RPTOR: variants seen among roughly 807,000 people sequenced by gnomAD.
The protein encoded by RPTOR is regulatory-associated protein of mTOR.
A neutral mutation model predicts 169.9 loss-of-function variants in RPTOR; 21 were observed. The ratio of observed to expected loss-of-function variants is 0.12; its 90% CI spans 0.09 to 0.18. The LOEUF (loss-of-function observed/expected upper bound fraction) is 0.18, where lower values mean the gene tolerates loss of function less well. Among genes scored for constraint, RPTOR ranks in the 10% least tolerant of loss-of-function variants. The probability of loss-of-function intolerance (pLI) is 1.00; values close to 1 mark genes in which losing one functional copy is unlikely to be tolerated. For missense variants in RPTOR, 1,133 were observed against 1,855.9 expected (o/e 0.61, Z 7.16); for synonymous variants, 732 against 753.2 (o/e 0.97, Z 0.46).
At chr17:80,885,750 C>A (rs1347804560) in intron 17 of RPTOR, among the ~76,000 whole-genome samples, 1 of 152,140 alleles carries the variant, frequency 6.6e-6, no homozygotes, top group Non-Finnish European at 1.5e-5. Flanking sequence ...ACTGTGTTAG[C>A]CAGGATGGTC....
intron 7 of RPTOR, among the ~76,000 whole-genome samples, chr17:80,794,766 G>A (rs1195434500): frequency 3.9e-5 from 6 of 152,206 alleles, no homozygotes; most frequent in African/African-American, 9.7e-5. Context: ...CCATTTGGGC[G>A]GTTCCCAGAA....
At chr17:80,873,790 G>T (rs112409677) in intron 13 of RPTOR, among the ~76,000 whole-genome samples, 2,307 of 152,342 alleles carry the variant, frequency 0.015, 67 homozygotes, top group African/African-American at 0.052. Flanking sequence ...ACCAGAATGT[G>T]AAGAATCTCA....
Position 80,893,865 on chromosome 17 carries a change from G to A in RPTOR, c.2401G>A (p.Gly801Arg), listed in dbSNP as rs1174616052. Reference protein sequence around the residue: ...SSYSSLNSLIGVSFNSVYTQI... With the variant: ...SSYSSLNSLIRVSFNSVYTQI... ...CTACTCCTCCCTCAACTCCCTCATC[G>A]GTGAGTCCGCCTGCCCCTTTCTGCT... Residue 801 changes from glycine to arginine, a missense_variant and splice_region_variant, in exon 20 of 34, where the codon GGA becomes AGA. Around this residue, in one of 9 missense-constraint regions of RPTOR, gnomAD observed 150 missense variants for 206.4 expected, o/e 0.73. Coordinates refer to ENST00000306801, the MANE Select transcript of RPTOR (RefSeq NM_020761.3). 1 of 1,519,596 alleles carries A rather than the reference G, an allele frequency of 6.6e-7. No homozygotes were observed. Among genetic ancestry groups the A allele is most frequent in the Non-Finnish European group, 8.8e-7 (1 of 1,131,458 alleles). The allele number at this position is 1,519,596 out of a possible 1,614,324, so 94.1% of individuals were successfully genotyped here. A position where few individuals can be genotyped will look rare whatever the true frequency, so the allele number is the denominator to read the frequency against.
intron 5 of RPTOR, among the ~76,000 whole-genome samples, chr17:80,753,229 C>T (rs2066646448): frequency 6.6e-6 from 1 of 152,352 alleles, no homozygotes; most frequent in African/African-American, 2.4e-5. Flanking sequence ...TCAGCCCACT[C>T]AAACTCACAT....
intron 1 of RPTOR, among the ~76,000 whole-genome samples, chr17:80,615,139 G>A (rs2143499661): frequency 6.6e-6 from 1 of 152,286 alleles, no homozygotes; most frequent in South Asian, 2.1e-4. Context: ...ATTTGCCAAG[G>A]ATCTCCAGAA....
chr17:80,596,051 G>A (rs1048935848), intron 1 of RPTOR, among the ~76,000 whole-genome samples: 3 of 152,172 alleles, frequency 2.0e-5, no homozygotes, highest in Non-Finnish European at 4.4e-5. Flanking sequence ...TAGATTGAAC[G>A]TGCTTATTAG....
Position 80,860,925 on chromosome 17 carries a change from C to T in RPTOR, c.1509+3025C>T, listed in dbSNP as rs1046865181. On this transcript the variant is annotated intron_variant, in intron 13 of 33. Coordinates refer to ENST00000306801, the MANE Select transcript of RPTOR (RefSeq NM_020761.3). This position sits in a 1 kb window ranked among gnomAD's most constrained non-coding sequence, Gnocchi z 5.8. ...GAGCTGGATGCGGGGAGCTGCTGCT[C>T]TTCCTCTCAGCACAGCTGAGGTTGA... Among the ~76,000 whole-genome samples, 3 of 145,700 alleles carry T rather than the reference C, an allele frequency of 2.1e-5. 1 individual carries two copies. The highest frequency in any genetic ancestry group is 4.7e-5 in the Non-Finnish European group (3 of 64,334).
At chr17:80,701,359 A>G (rs1464777116) in intron 3 of RPTOR, among the ~76,000 whole-genome samples, 3 of 152,184 alleles carry the variant, frequency 2.0e-5, no homozygotes, top group Non-Finnish European at 4.4e-5. Context: ...AGCATTTGCC[A>G]TCACTCTTTT....
Position 80,860,407 on chromosome 17 carries a change from C to T in RPTOR, c.1509+2507C>T, listed in dbSNP as rs2672890. 0.17 allele frequency among the ~76,000 whole-genome samples: 26,002 copies of T among 152,152 alleles called. 2,707 individuals are homozygous for T. The highest frequency in any genetic ancestry group is 0.36 in the East Asian group (1,853 of 5,124). On this transcript the variant is annotated intron_variant, in intron 13 of 33. Coordinates refer to ENST00000306801, the MANE Select transcript of RPTOR (RefSeq NM_020761.3). This position sits in a 1 kb window ranked among gnomAD's most constrained non-coding sequence, Gnocchi z 5.8. ...CAAAGCCACTGCTGTGTCTCCCACC[C>T]ACAGCCGCTGCTGATTCAAGTCCAG...
chr17:80,866,367 G>A (rs996570474), intron 13 of RPTOR, among the ~76,000 whole-genome samples: 19 of 152,242 alleles, frequency 1.2e-4, no homozygotes, highest in Non-Finnish European at 1.6e-4. Context: ...GTCTCCAACC[G>A]GAGATCCCGG....
chr17:80,573,808 C>T (rs914550010), intron 1 of RPTOR, among the ~76,000 whole-genome samples: 1 of 152,186 alleles, frequency 6.6e-6, no homozygotes, highest in African/African-American at 2.4e-5. Flanking sequence ...CCACCTTACA[C>T]CCCTCTACTC....
In RPTOR at chr17:80,791,480, G is replaced by A. The variant is rs2143495056; in HGVS notation, c.861G>A (p.Val287=). ...WFCMQKCVSL[V]PGVTLDLIEK... ...GCATGCAGAAATGTGTCAGTCTGGT[G>A]CCTGGCGTCACACTGGATTTGATAG... Residue 287 remains valine (V), a synonymous_variant, in exon 7 of 34, where the codon GTG becomes GTA. Coordinates refer to ENST00000306801, the MANE Select transcript of RPTOR (RefSeq NM_020761.3). The A allele has an allele frequency of 1.2e-6, 2 of 1,613,886 alleles. No homozygotes were observed. The highest frequency in any genetic ancestry group is 1.1e-5 in the South Asian group (1 of 91,008).
At chr17:80,715,547 A>G (rs1363346552) in intron 4 of RPTOR, among the ~76,000 whole-genome samples, 3 of 150,104 alleles carry the variant, frequency 2.0e-5, no homozygotes, top group Non-Finnish European at 4.4e-5. Flanking sequence ...ATTGTCAACC[A>G]CATGGGTGGG....
At chr17:80,811,040 T>A (rs2067266968) in intron 7 of RPTOR, among the ~76,000 whole-genome samples, 1 of 152,210 alleles carries the variant, frequency 6.6e-6, no homozygotes, top group Admixed American at 6.5e-5. Context: ...CAGTTTGACT[T>A]CTTTATTTCC....
intron 5 of RPTOR, among the ~76,000 whole-genome samples, chr17:80,750,757 A>T (rs1171650462): frequency 6.6e-6 from 1 of 152,116 alleles, no homozygotes. Context: ...AAATGGTTTT[A>T]AACATGATTT....
intron 3 of RPTOR, among the ~76,000 whole-genome samples, chr17:80,693,372 G>A (rs2066009283): frequency 6.6e-6 from 1 of 152,200 alleles, no homozygotes; most frequent in South Asian, 2.1e-4. Context: ...GGTTCATTGG[G>A]GGGATTCTGA....
At position 80,738,983 on chromosome 17, in the gene RPTOR, C is replaced by CT. The variant is rs1434944367; in HGVS notation, c.654+8277_654+8278insT. 3.0e-3 allele frequency among the ~76,000 whole-genome samples: 313 copies of CT among 104,700 alleles called. 2 individuals are homozygous for CT. Among genetic ancestry groups the CT allele is most frequent in the African/African-American group, 0.012 (309 of 26,800 alleles). The allele number at this position is 104,700 out of a possible 152,430, so 68.7% of individuals were successfully genotyped here. On this transcript the variant is annotated intron_variant, in intron 5 of 33. Coordinates refer to ENST00000306801, the MANE Select transcript of RPTOR (RefSeq NM_020761.3). ...TTTCCCAAAAATTCTTAGAGTTTAA[C>CT]CTTTTTTTTGTTTCTAATTTCATCT...
At chr17:80,917,340 C>T (rs921146934) in intron 21 of RPTOR, among the ~76,000 whole-genome samples, 10 of 152,030 alleles carry the variant, frequency 6.6e-5, no homozygotes, top group African/African-American at 9.7e-5. Context: ...TCTTGAACTC[C>T]CGACCTCCAG....
intron 1 of RPTOR, among the ~76,000 whole-genome samples, chr17:80,551,322 A>C (rs923435178): frequency 6.6e-6 from 1 of 152,208 alleles, no homozygotes; most frequent in Admixed American, 6.5e-5. Flanking sequence ...AAGGGGACCC[A>C]GGGAACCAGC....
Sources: allele counts gnomAD v4.1 joint callset (sites outside exome capture counted in the v4.1 genomes callset), GRCh38; gene constraint gnomAD v4.1.1; regional missense constraint gnomAD v4.1.1; non-coding constraint Gnocchi (gnomAD v3.1); transcripts MANE v1.5; gene names NCBI Gene and HGNC (gene_info 2026-07-23, HGNC 2026-07-21).